CWF19L1: variants seen among roughly 807,000 people sequenced by gnomAD.
CWF19L1 encodes CWF19-like protein 1.
CWF19L1 carries 60 observed loss-of-function variants against 69.7 expected under a neutral mutation model. The observed-to-expected ratio is 0.86, with a 90% CI of 0.70 to 1.07. The LOEUF (loss-of-function observed/expected upper bound fraction) is 1.07, where lower values mean the gene tolerates loss of function less well. Among genes scored for constraint, CWF19L1 ranks in the 50% least tolerant of loss-of-function variants. The pLI is 0.00. For missense variants in CWF19L1, 591 were observed against 638.9 expected, an observed-to-expected ratio of 0.92 and a Z score of 0.81; for synonymous variants, 209 against 222.2, an observed-to-expected ratio of 0.94 and a Z score of 0.53.
intron 1 of CWF19L1, among the ~76,000 whole-genome samples, chr10:100,266,587 T>C (rs1053822558): frequency 6.6e-6 from 1 of 151,754 alleles, no homozygotes; most frequent in Non-Finnish European, 1.5e-5. Context: ...CAGTGTCGGC[T>C]CACTGTGCAA....
rs945995343 is a variant in CWF19L1, at chr10:100,235,577, A to C, written c.1472+90T>G. On this transcript the variant is annotated intron_variant, in intron 13 of 13. Coordinates refer to ENST00000354105, the MANE Select transcript of CWF19L1 (RefSeq NM_018294.6). ...GTCCTCTGGGGCAAGGACTGTTTAC[A>C]ATTTAGCTTTTTATCAATTGTCCCA... The C allele has an allele frequency of 1.8e-5, 16 of 868,380 alleles. No individual in the cohort carries two copies. In the African/African-American group the frequency reaches 2.7e-4, roughly 15 times the overall value. The allele number at this position is 868,380 out of a possible 1,614,324, so 53.8% of individuals were successfully genotyped here.
At chr10:100,262,197 A>C (rs1183993309) in intron 1 of CWF19L1, 134 bp from the exon 2 acceptor site, 5 of 1,394,314 alleles carry the variant, frequency 3.6e-6, no homozygotes, top group Non-Finnish European at 4.7e-6. Context: ...GGTTCAGTGC[A>C]CGTAAACCAC....
intron 5 of CWF19L1, among the ~76,000 whole-genome samples, chr10:100,255,133 C>T (rs552820238): frequency 1.8e-4 from 28 of 152,350 alleles, no homozygotes; most frequent in Non-Finnish European, 3.4e-4. Flanking sequence ...TTTTCAAAAT[C>T]TTCCTTAGGC....
chr10:100,243,707 G>A lies in CWF19L1; in HGVS notation c.1035C>T (p.Ile345=), dbSNP rs768399190. The A allele has an allele frequency of 9.9e-6, 16 of 1,613,796 alleles. No homozygotes were observed. Among genetic ancestry groups the A allele is most frequent in the African/African-American group, 1.3e-5 (1 of 74,912 alleles). ...CAAGGAAGTAACTCACATGTGTGCC[G>A]ATGTTGACCACCAAATGTTTTTCCA... ...PEVEKHLVVN[I]GTHCYLALAK... Residue 345 remains isoleucine, a synonymous_variant, in exon 10 of 14, where the codon ATC becomes ATT. Coordinates refer to ENST00000354105, the MANE Select transcript of CWF19L1 (RefSeq NM_018294.6).
Position 100,238,173 on chromosome 10 carries a change from A to G in CWF19L1, c.1103T>C (p.Ile368Thr). 1 of 1,614,220 alleles carries G rather than the reference A, an allele frequency of 6.2e-7. No homozygotes were observed. Among genetic ancestry groups the G allele is most frequent in the Non-Finnish European group, 8.5e-7 (1 of 1,180,032 alleles). Reference sequence around the variant, plus strand: ...CTCCACCACTGACTGGTAGTGTCCAATAGGCAGGATGAGGACATGGTCATC... The same window carrying G: ...CTCCACCACTGACTGGTAGTGTCCAGTAGGCAGGATGAGGACATGGTCATC... The part of the protein sequence containing the change: ...LSDDHVLILP[I>T]GHYQSVVELS... Residue 368 changes from isoleucine to threonine, a missense_variant, in exon 11 of 14, where the codon ATT (isoleucine) becomes ACT (threonine). Physicochemically the swap from Ile to Thr is moderately conservative, Grantham distance 89. This residue lies in a region of CWF19L1 where 458 missense variants were observed against 489.3 expected (regional missense o/e 0.94). Coordinates refer to ENST00000354105, the MANE Select transcript of CWF19L1 (RefSeq NM_018294.6).
chr10:100,241,314 C>T (rs768897005), intron 10 of CWF19L1, among the ~76,000 whole-genome samples: 10 of 152,034 alleles, frequency 6.6e-5, no homozygotes, highest in Non-Finnish European at 1.2e-4. Flanking sequence ...TGCACCCGGC[C>T]AAGACATTTT....
At chr10:100,267,405 A>C in intron 1 of CWF19L1, 166 bp downstream of exon 1, 1 of 984,228 alleles carries the variant, frequency 1.0e-6, no homozygotes. Context: ...CCAGGAAAAG[A>C]GGTCAGCCCC....
rs73340013 is a variant in CWF19L1 at position 100,234,505 on chromosome 10, C to T, written c.1473-1134G>A. ...ACCGCATCTGTTGCTGAGGCAACAACGAAAACATCACGTCAGATGTCTGAA... is the reference window on the plus strand; with the variant it reads ...ACCGCATCTGTTGCTGAGGCAACAATGAAAACATCACGTCAGATGTCTGAA... On this transcript the variant is annotated intron_variant, in intron 13 of 13. Transcript: ENST00000354105. 4.1e-3 allele frequency among the ~76,000 whole-genome samples: 618 copies of T among 152,232 alleles called. 5 individuals are homozygous for T. Among genetic ancestry groups the T allele is most frequent in the African/African-American group, 0.014 (595 of 41,546 alleles).
intron 7 of CWF19L1, among the ~76,000 whole-genome samples, chr10:100,247,970 AG>A (rs958292003): frequency 1.3e-5 from 2 of 152,022 alleles, no homozygotes; most frequent in African/African-American, 4.8e-5. Flanking sequence ...CTGCTGGGGT[AG>A]GGGTATAAAT....
chr10:100,260,292 G>A lies in CWF19L1; in HGVS notation c.215C>T (p.Ala72Val), dbSNP rs939434834. 1 of 1,610,530 alleles carries A rather than the reference G, an allele frequency of 6.2e-7. No homozygotes were observed. Among genetic ancestry groups the A allele is most frequent in the Non-Finnish European group, 8.5e-7 (1 of 1,176,992 alleles). The change falls in exon 4 of 14, where the codon GCT becomes GTT. Residue 72 changes from alanine (A) to valine (V), a missense_variant. By Grantham distance (64) the Ala-to-Val change is moderately conservative. This residue lies in a region of CWF19L1 where 129 missense variants were observed against 131.3 expected (regional missense o/e 0.98). Transcript: ENST00000354105. ...KAPIQTYVLG[A>V]NNQETVKYFQ... ...ATATTTTACTGTTTCCTGGTTATTA[G>A]CACCAAGCACATATGTCTGAATAGG... is the stretch of plus-strand genomic sequence containing the variant.
chr10:100,244,625 G>A (rs1409190538), intron 9 of CWF19L1, among the ~76,000 whole-genome samples: 1 of 152,132 alleles, frequency 6.6e-6, no homozygotes. Flanking sequence ...AAAGTGCTGG[G>A]ATTATAGGCG....
intron 9 of CWF19L1, among the ~76,000 whole-genome samples, chr10:100,244,456 T>G (rs896958910): frequency 2.0e-5 from 3 of 151,364 alleles, no homozygotes; most frequent in Admixed American, 6.6e-5. Flanking sequence ...CCCAGGTTCA[T>G]GCCATTCTCC....
intron 1 of CWF19L1, among the ~76,000 whole-genome samples, chr10:100,264,180 A>G (rs936106264): frequency 2.0e-5 from 3 of 152,238 alleles, no homozygotes; most frequent in African/African-American, 7.2e-5. Context: ...AGTGTAGCAC[A>G]TACAGTTATG....
intron 1 of CWF19L1, 184 bp from the exon 2 acceptor site, chr10:100,262,247 C>T (rs536610029): frequency 2.8e-5 from 28 of 985,420 alleles, no homozygotes; most frequent in Non-Finnish European, 3.3e-5. Flanking sequence ...ACCTCCCACT[C>T]GCCGTATCTA....
At chr10:100,250,410 G>C in intron 6 of CWF19L1, 78 bp from the exon 7 acceptor site, 1 of 873,712 alleles carries the variant, frequency 1.1e-6, no homozygotes, top group Non-Finnish European at 1.9e-6. Flanking sequence ...TGGACTCTAT[G>C]GGGCCATAAA....
intron 13 of CWF19L1, among the ~76,000 whole-genome samples, chr10:100,233,612 G>A (rs772823130): frequency 1.3e-5 from 2 of 152,080 alleles, no homozygotes; most frequent in Non-Finnish European, 2.9e-5. Context: ...CTATATTATT[G>A]GTACTTAGAG....
At chr10:100,261,717 A>T (rs1847407299) in intron 2 of CWF19L1, among the ~76,000 whole-genome samples, 1 of 152,216 alleles carries the variant, frequency 6.6e-6, no homozygotes, top group Non-Finnish European at 1.5e-5. Context: ...TCACTTAGGG[A>T]AGTGTTGCTA....
intron 1 of CWF19L1, among the ~76,000 whole-genome samples, chr10:100,262,706 T>C (rs1847447343): frequency 6.6e-6 from 1 of 152,176 alleles, no homozygotes; most frequent in African/African-American, 2.4e-5. Flanking sequence ...GGGCAGGAAG[T>C]AGAAAATGGC....
intron 4 of CWF19L1, 113 bp from the exon 5 acceptor site, chr10:100,256,589 G>A: frequency 1.3e-6 from 1 of 799,424 alleles, no homozygotes; most frequent in Non-Finnish European, 2.1e-6. Context: ...TTACATGTCT[G>A]AAGTGTAAAC....
Sources: gnomAD v4.1 joint callset for allele counts (sites outside exome capture counted in the v4.1 genomes callset) on GRCh38, gnomAD v4.1.1 for gene constraint, gnomAD v4.1.1 regional missense constraint, MANE v1.5 for transcripts, NCBI Gene and HGNC (gene_info 2026-07-23, HGNC 2026-07-21) for gene names.